Variants in PDE8B observed in about 807,000 individuals in gnomAD.
The protein encoded by PDE8B is high affinity cAMP-specific and IBMX-insensitive 3',5'-cyclic phosphodiesterase 8B.
In PDE8B, 26 loss-of-function variants were observed where a neutral mutation model predicts 101.3. The observed-to-expected ratio is 0.26, with a 90% CI of 0.19 to 0.36. PDE8B has a LOEUF of 0.36. PDE8B is among the 10% of genes least tolerant of loss of function. The probability of loss-of-function intolerance (pLI) is 1.00; values close to 1 mark genes in which losing one functional copy is unlikely to be tolerated. For synonymous variants in PDE8B, 424 were observed against 429.3 expected (o/e 0.99, Z 0.15); for missense variants, 810 against 1,163.1 (o/e 0.70, Z 4.42).
At chr5:77,214,258 T>G (rs949254955) in intron 1 of PDE8B, among the ~76,000 whole-genome samples, 2 of 152,222 alleles carry the variant, frequency 1.3e-5, no homozygotes, top group Non-Finnish European at 2.9e-5. Flanking sequence ...GACAGCCAGT[T>G]GTAGAGAAGA....
Position 77,349,405 on chromosome 5 carries a change from C to T in PDE8B, c.877-14C>T. 2.5e-6 allele frequency: 4 copies of T among 1,614,102 alleles called. No homozygotes were observed. The highest frequency in any genetic ancestry group is 3.4e-6 in the Non-Finnish European group (4 of 1,180,010). On this transcript the variant is annotated splice_polypyrimidine_tract_variant and intron_variant, in intron 7 of 21. Transcript: ENST00000264917. ...GTGTCCCCGCACTGATCTGTACCAA[C>T]CTCCCATTAACAGTATGTCAACCCA... is the stretch of plus-strand genomic sequence containing the variant.
At chr5:77,195,911 A>C in the PDE8B span, among the ~76,000 whole-genome samples, 1 of 152,208 alleles carries the variant, frequency 6.6e-6, no homozygotes, top group African/African-American at 2.4e-5. Flanking sequence ...TGGCAGAGGC[A>C]GAAGAAAATC....
At chr5:77,381,983 T>G (rs1413420729) in intron 10 of PDE8B, among the ~76,000 whole-genome samples, 5 of 152,330 alleles carry the variant, frequency 3.3e-5, no homozygotes, top group African/African-American at 1.2e-4. Context: ...TTAACCTCAC[T>G]CCTCTGTTTC....
At position 77,425,751 on chromosome 5, in the gene PDE8B, T is replaced by C. The variant is rs545485338; in HGVS notation, c.2419-16T>C. On this transcript the variant is annotated splice_polypyrimidine_tract_variant and intron_variant, in intron 20 of 21. Transcript: ENST00000264917. The stretch of plus-strand genomic sequence containing the variant: ...TCGCATGTCCTCCAGCCCTATGTGG[T>C]GGTTTTTTCTTACAGACTGATGAAG... The C allele has an allele frequency of 6.2e-7, 1 of 1,613,390 alleles. No homozygotes were observed. Among genetic ancestry groups the C allele is most frequent in the Non-Finnish European group, 8.5e-7 (1 of 1,179,386 alleles).
chr5:77,173,458 C>A, the PDE8B span, among the ~76,000 whole-genome samples: 1 of 152,152 alleles, frequency 6.6e-6, no homozygotes, highest in Non-Finnish European at 1.5e-5. Context: ...AAAATTGCTT[C>A]ATTCTCAGAG....
intron 1 of PDE8B, among the ~76,000 whole-genome samples, chr5:77,235,562 G>A (rs1430686918): frequency 1.3e-5 from 2 of 152,086 alleles, no homozygotes; most frequent in Non-Finnish European, 2.9e-5. Flanking sequence ...TTGAATCAGG[G>A]AATACAAACA....
At position 77,289,218 on chromosome 5, in the gene PDE8B, G is replaced by C. The variant is rs113197885; in HGVS notation, c.340-22776G>C. ...TGAAACGTAAGGTGAAAAGGGAAAT[G>C]ATAAAATAAGGCATTTGAGATTTTT... On this transcript the variant is annotated intron_variant, in intron 1 of 21. Coordinates refer to ENST00000264917, the MANE Select transcript of PDE8B (RefSeq NM_003719.5). 2.6e-3 allele frequency among the ~76,000 whole-genome samples: 401 copies of C among 152,274 alleles called. 2 individuals are homozygous for C. In the Middle Eastern group the frequency reaches 0.027, roughly 10 times the overall value.
At chr5:77,234,312 A>G (rs1754234531) in intron 1 of PDE8B, among the ~76,000 whole-genome samples, 1 of 152,088 alleles carries the variant, frequency 6.6e-6, no homozygotes, top group Admixed American at 6.5e-5. Flanking sequence ...TAGACCTGGA[A>G]GGACTGGGCA....
chr5:77,229,651 A>T (rs564737309), intron 1 of PDE8B, among the ~76,000 whole-genome samples: 1 of 152,002 alleles, frequency 6.6e-6, no homozygotes, highest in East Asian at 1.9e-4. Context: ...GGCACTATAG[A>T]TTTGCCTATT....
the PDE8B span, among the ~76,000 whole-genome samples, chr5:77,181,349 G>C: frequency 6.6e-6 from 1 of 152,140 alleles, no homozygotes; most frequent in Non-Finnish European, 1.5e-5. Context: ...CGCAGGCGGC[G>C]CTGCCACTCT....
intron 10 of PDE8B, among the ~76,000 whole-genome samples, chr5:77,359,139 G>C (rs1173773842): frequency 6.6e-6 from 1 of 152,136 alleles, no homozygotes; most frequent in African/African-American, 2.4e-5. Flanking sequence ...GCAGCCGGGA[G>C]GAGGGGACAG....
At chr5:77,107,861 T>C in the PDE8B span, among the ~76,000 whole-genome samples, 1 of 152,208 alleles carries the variant, frequency 6.6e-6, no homozygotes, top group African/African-American at 2.4e-5. Flanking sequence ...TATCCTTTAG[T>C]AGTTGTATTC....
chr5:77,235,820 AAAC>A (rs1754557754), intron 1 of PDE8B, among the ~76,000 whole-genome samples: 2 of 151,924 alleles, frequency 1.3e-5, no homozygotes, highest in African/African-American at 4.9e-5. Context: ...GCAGAAAAAA[AAAC>A]AAAACTAAAA....
chr5:77,276,926 C>T (rs542187027), intron 1 of PDE8B, among the ~76,000 whole-genome samples: 56 of 152,022 alleles, frequency 3.7e-4, no homozygotes, highest in Non-Finnish European at 6.9e-4. Flanking sequence ...CTTCCTTTAC[C>T]GTAACTCTGA....
the PDE8B span, among the ~76,000 whole-genome samples, chr5:77,089,798 A>G: frequency 1.3e-5 from 2 of 152,220 alleles, no homozygotes; most frequent in East Asian, 1.9e-4. Flanking sequence ...ACCACTGGTT[A>G]TTTATCCAAA....
the PDE8B span, among the ~76,000 whole-genome samples, chr5:77,179,900 C>T: frequency 6.6e-6 from 1 of 152,108 alleles, no homozygotes; most frequent in East Asian, 1.9e-4. Flanking sequence ...TGGAGGAAAA[C>T]CTGTCTTTAT....
chr5:77,102,250 G>A, the PDE8B span, among the ~76,000 whole-genome samples: 1 of 152,080 alleles, frequency 6.6e-6, no homozygotes, highest in Non-Finnish European at 1.5e-5. Flanking sequence ...GGGGTCATTT[G>A]CACCAGGCTT....
chr5:77,213,042 T>C (rs1299397428), intron 1 of PDE8B, among the ~76,000 whole-genome samples: 1 of 152,236 alleles, frequency 6.6e-6, no homozygotes, highest in Non-Finnish European at 1.5e-5. Flanking sequence ...GAAGAAAGAA[T>C]ACTGAATGAA....
chr5:77,226,529 T>C (rs1314157197), intron 1 of PDE8B, among the ~76,000 whole-genome samples: 4 of 152,210 alleles, frequency 2.6e-5, no homozygotes, highest in African/African-American at 9.7e-5. Flanking sequence ...TTTGCTATTG[T>C]AATGGTGATA....
Sources: allele counts gnomAD v4.1 joint callset (sites outside exome capture counted in the v4.1 genomes callset), GRCh38; gene constraint gnomAD v4.1.1; transcripts MANE v1.5; gene names NCBI Gene and HGNC (gene_info 2026-07-23, HGNC 2026-07-21).